Variants in PAOX observed in about 807,000 individuals in gnomAD.
PAOX encodes the protein polyamine oxidase, also known as peroxisomal N(1)-acetyl-spermine/spermidine oxidase.
In PAOX, 38 loss-of-function variants were observed where a neutral mutation model predicts 39.0. The observed-to-expected ratio is 0.97, with a 90% confidence interval of 0.75 to 1.28. The LOEUF (loss-of-function observed/expected upper bound fraction) is 1.28, where lower values mean the gene tolerates loss of function less well. Among genes scored for constraint, PAOX ranks in the 50% most tolerant of loss-of-function variants. The pLI, the probability that PAOX is intolerant of heterozygous loss-of-function variation, is 0.00. For synonymous variants in PAOX, 311 were observed against 314.4 expected (o/e 0.99, Z 0.11); for missense variants, 667 against 685.7 (o/e 0.97, Z 0.30).
At position 133,391,446 on chromosome 10, in the gene PAOX, C is replaced by G. The variant is rs1046175; in HGVS notation, c.1527C>G (p.Pro509=). 1,414,470 of 1,611,766 alleles carry G rather than the reference C, an allele frequency of 0.88. 622,276 individuals are homozygous for G. Among genetic ancestry groups the G allele is most frequent in the East Asian group, 0.97 (43,646 of 44,864 alleles). Residue 509 remains proline, a synonymous_variant, in exon 7 of 7, where the codon CCC becomes CCG. Coordinates refer to ENST00000278060, the MANE Select transcript of PAOX (RefSeq NM_152911.4). ...CCCCGCAGGTGCAGCAGCCCAGGCC[C>G]AGGCTCTAGCTGGGCCCAGCCTACT... The part of the protein sequence containing the change: ...LWAPQVQQPR[P]RL
chr10:133,387,091 C>A (rs1048151305), intron 4 of PAOX, among the ~76,000 whole-genome samples: 3 of 152,220 alleles, frequency 2.0e-5, no homozygotes, highest in African/African-American at 7.2e-5. Flanking sequence ...CCAGCCTGGG[C>A]AACATAGCAA....
intron 5 of PAOX, 135 bp downstream of exon 5, chr10:133,389,203 C>T: frequency 1.4e-6 from 1 of 734,304 alleles, no homozygotes; most frequent in Non-Finnish European, 2.4e-6. Flanking sequence ...CATCCTTCCT[C>T]ATGTTAGTGG....
intron 5 of PAOX, 74 bp downstream of exon 5, chr10:133,389,142 T>C: frequency 7.8e-7 from 1 of 1,285,838 alleles, no homozygotes; most frequent in Middle Eastern, 1.9e-4. Context: ...AACTAGACTT[T>C]GCAGAACAGA....
Position 133,389,625 on chromosome 10 carries a change from C to T in PAOX, c.1270C>T (p.Arg424Trp), listed in dbSNP as rs531281583. 3.7e-5 allele frequency: 60 copies of T among 1,613,606 alleles called. No homozygotes were observed. Among genetic ancestry groups the T allele is most frequent in the East Asian group, 2.2e-4 (10 of 44,886 alleles). The change falls in exon 6 of 7, where the codon CGG (arginine) becomes TGG (tryptophan). Residue 424 changes from arginine to tryptophan, a missense_variant. Physicochemically the swap from Arg to Trp is moderately radical, Grantham distance 101 (BLOSUM62 -3). Coordinates refer to ENST00000278060, the MANE Select transcript of PAOX (RefSeq NM_152911.4). ...PRLPAPKSVL[R>W]SRWHSAPYTR... The stretch of plus-strand genomic sequence containing the variant: ...GCTCCCCGCGCCCAAGAGCGTCCTG[C>T]GGTCTCGCTGGCACAGCGCCCCGTA...
intron 3 of PAOX, chr10:133,382,814 A>G (rs1052498219): frequency 1.3e-5 from 2 of 150,154 alleles, no homozygotes; most frequent in African/African-American, 4.9e-5. Context: ...TCTGCTGCTC[A>G]GTTTGCCTGT....
intron 6 of PAOX, chr10:133,390,783 A>G: frequency 1.7e-6 from 1 of 597,586 alleles, no homozygotes; most frequent in East Asian, 2.8e-5. Context: ...ACATCAGATA[A>G]GGCTGTAGCT....
intron 3 of PAOX, among the ~76,000 whole-genome samples, chr10:133,382,509 C>T (rs1254735082): frequency 1.3e-5 from 2 of 152,296 alleles, no homozygotes; most frequent in East Asian, 1.9e-4. Context: ...TGGCTGGGCA[C>T]GGTGGCTCAC....
chr10:133,380,833 C>T (rs767630734), intron 2 of PAOX, among the ~76,000 whole-genome samples: 2 of 152,076 alleles, frequency 1.3e-5, no homozygotes, highest in East Asian at 1.9e-4. Context: ...CAAAAATTAG[C>T]CGGGCGTGAT....
chr10:133,384,135 C>G lies in PAOX; in HGVS notation c.1044C>G (p.Pro348=), dbSNP rs1307342957. The change falls in exon 4 of 7, where the codon CCC becomes CCG. Residue 348 remains proline, a synonymous_variant. Transcript: ENST00000278060. The surrounding 1 kb of genome is among the most constrained non-coding windows in gnomAD (Gnocchi z 4.3). The stretch of plus-strand genomic sequence containing the variant: ...AGCTGGTGTGGGAGGACACGTCGCC[C>G]CTGGAGGATGCTGCCCCTGAGCTAC... ...LIQLVWEDTS[P]LEDAAPELQD... 6.8e-6 allele frequency: 11 copies of G among 1,614,040 alleles called. No homozygotes were observed. The South Asian group carries it at 1.2e-4, about 18-fold the overall frequency.
At chr10:133,388,935 G>C in intron 4 of PAOX, 21 bp from the exon 5 acceptor site, 1 of 1,444,858 alleles carries the variant, frequency 6.9e-7, no homozygotes, top group Non-Finnish European at 9.5e-7. Context: ...GGTCATCCCA[G>C]GGCTCTCTTT....
chr10:133,383,517 C>T (rs1013486439), intron 3 of PAOX, among the ~76,000 whole-genome samples: 20 of 149,174 alleles, frequency 1.3e-4, no homozygotes, highest in African/African-American at 4.2e-4. Context: ...GCAGGAGAAT[C>T]ACTAGAACCT....
At chr10:133,391,182 C>A in intron 6 of PAOX, 130 bp from the exon 7 acceptor site, 1 of 905,820 alleles carries the variant, frequency 1.1e-6, no homozygotes, top group Non-Finnish European at 1.8e-6. Context: ...CTTTTCTCGT[C>A]CGTTGGTGGA....
At position 133,381,597 on chromosome 10, in the gene PAOX, C is replaced by A; in HGVS notation, c.806C>A (p.Ser269Ter). ...AAFPGETFPV[S>*]VECEDGDRFP... Reference sequence around the variant, plus strand: ...TTTCCCGGGGAGACCTTTCCAGTGTCGGTAGAGTGTGAGGATGGAGACCGG... The same window carrying A: ...TTTCCCGGGGAGACCTTTCCAGTGTAGGTAGAGTGTGAGGATGGAGACCGG... The change falls in exon 3 of 7, where the codon TCG becomes TAG. Residue 269 changes from serine (S) to a stop codon, truncating the protein, a stop_gained. Transcript: ENST00000278060. LOFTEE classifies it high-confidence loss of function. 1 of 1,613,632 alleles carries A rather than the reference C, an allele frequency of 6.2e-7. No homozygotes were observed. Among genetic ancestry groups the A allele is most frequent in the Non-Finnish European group, 8.5e-7 (1 of 1,180,024 alleles).
chr10:133,391,645 C>A lies in PAOX; in HGVS notation c.*190C>A. 1.2e-6 allele frequency: 1 copy of A among 854,188 alleles called. No individual in the cohort carries two copies. The highest frequency in any genetic ancestry group is 1.8e-6 in the Non-Finnish European group (1 of 570,884). 52.9% of individuals were successfully genotyped at this position (854,188 alleles called of 1,614,324 possible). The stretch of plus-strand genomic sequence containing the variant: ...TGGCCAGGGTTGACTTGAGCTGAGA[C>A]ACCAGATGCTCACGGAGATGCTGGA... On this transcript the variant is annotated 3_prime_UTR_variant, in exon 7 of 7. Transcript: ENST00000278060.
rs1849381643 is a variant in PAOX at position 133,381,574 on chromosome 10, T to C, written c.783T>C (p.Phe261=). The stretch of plus-strand genomic sequence containing the variant: ...ACGGGTCCTTCCAGGAGGCAGCCTT[T>C]CCCGGGGAGACCTTTCCAGTGTCGG... ...HWNGSFQEAA[F]PGETFPVSVE... The change falls in exon 3 of 7, where the codon TTT becomes TTC. Residue 261 remains phenylalanine, a synonymous_variant. Coordinates refer to ENST00000278060, the MANE Select transcript of PAOX (RefSeq NM_152911.4). 3 of 1,613,790 alleles carry C rather than the reference T, an allele frequency of 1.9e-6. No individual in the cohort carries two copies. In the East Asian group the frequency reaches 6.7e-5, roughly 36 times the overall value.
intron 5 of PAOX, 68 bp from the exon 6 acceptor site, chr10:133,389,522 A>C (rs913542590): frequency 6.2e-7 from 1 of 1,600,588 alleles, no homozygotes; most frequent in Admixed American, 1.7e-5. Flanking sequence ...ATCTTTAAAA[A>C]TGACAAAAAC....
At chr10:133,382,016 G>A (rs567041026) in intron 3 of PAOX, among the ~76,000 whole-genome samples, 3 of 152,240 alleles carry the variant, frequency 2.0e-5, no homozygotes, top group African/African-American at 4.8e-5. Flanking sequence ...TGAAGGAGCC[G>A]TGTGTATAAT....
chr10:133,390,760 T>C (rs1589902649), intron 6 of PAOX: 4 of 581,396 alleles, frequency 6.9e-6, no homozygotes, highest in South Asian at 6.4e-5. Flanking sequence ...GTGTTACTAA[T>C]TGACTTCTCA....
In PAOX at chr10:133,384,344, C is replaced by A; in HGVS notation, c.1121+132C>A. Reference sequence around the variant, plus strand: ...TAATGGGTAGGGTTCCCATGAGCGCCCCCCCACCAGGTGCTGGCTGCACCT... The same window carrying A: ...TAATGGGTAGGGTTCCCATGAGCGCACCCCCACCAGGTGCTGGCTGCACCT... On this transcript the variant is annotated intron_variant, in intron 4 of 6. Coordinates refer to ENST00000278060, the MANE Select transcript of PAOX (RefSeq NM_152911.4). The surrounding 1 kb of genome is among the most constrained non-coding windows in gnomAD (Gnocchi z 4.3). 1.4e-6 allele frequency: 2 copies of A among 1,387,882 alleles called. No individual in the cohort carries two copies. The highest frequency in any genetic ancestry group is 2.0e-6 in the Non-Finnish European group (2 of 1,025,434). The allele number at this position is 1,387,882 out of a possible 1,614,324, so 86.0% of individuals were successfully genotyped here.
Sources: allele counts gnomAD v4.1 joint callset (sites outside exome capture counted in the v4.1 genomes callset), GRCh38; gene constraint gnomAD v4.1.1; non-coding constraint Gnocchi (gnomAD v3.1); transcripts MANE v1.5; gene names NCBI Gene and HGNC (gene_info 2026-07-23, HGNC 2026-07-21).